GNPNAT1: variants seen among roughly 807,000 people sequenced by gnomAD.
GNPNAT1 encodes the protein glucosamine-phosphate N-acetyltransferase 1, also known as glucosamine 6-phosphate N-acetyltransferase.
A neutral mutation model predicts 19.8 loss-of-function variants in GNPNAT1; 11 were observed. The observed-to-expected ratio is 0.56, with a 90% CI of 0.35 to 0.92. The LOEUF is 0.92. GNPNAT1 is among the 40% of genes least tolerant of loss of function. The probability of loss-of-function intolerance (pLI) is 0.01; values close to 1 mark genes in which losing one functional copy is unlikely to be tolerated. For synonymous variants in GNPNAT1, 71 were observed against 72.3 expected, an observed-to-expected ratio of 0.98 and a Z score of 0.09; for missense variants, 157 against 211.0, an observed-to-expected ratio of 0.74 and a Z score of 1.59.
chr14:52,779,099 A>G (rs1260384325), intron 5 of GNPNAT1, among the ~76,000 whole-genome samples: 9 of 152,220 alleles, frequency 5.9e-5, no homozygotes, highest in Non-Finnish European at 1.2e-4. Context: ...TTATTTTGTA[A>G]AAATTCTTTA....
intron 5 of GNPNAT1, among the ~76,000 whole-genome samples, chr14:52,778,877 T>G (rs1258834838): frequency 6.6e-6 from 1 of 152,034 alleles, no homozygotes; most frequent in Non-Finnish European, 1.5e-5. Flanking sequence ...TAGTAGGGCA[T>G]GATGGCACAT....
intron 3 of GNPNAT1, among the ~76,000 whole-genome samples, chr14:52,782,546 A>G (rs1199577822): frequency 6.6e-6 from 1 of 152,082 alleles, no homozygotes; most frequent in Non-Finnish European, 1.5e-5. Context: ...TTTCAGTACT[A>G]TTGCTGAAAT....
chr14:52,786,735 A>C (rs961617229), intron 1 of GNPNAT1, among the ~76,000 whole-genome samples: 12 of 151,952 alleles, frequency 7.9e-5, no homozygotes, highest in Admixed American at 2.0e-4. Context: ...AAAGCATAAA[A>C]CTGGGGCCAG....
chr14:52,788,126 G>A (rs1222578073), intron 1 of GNPNAT1, among the ~76,000 whole-genome samples: 2 of 151,530 alleles, frequency 1.3e-5, no homozygotes, highest in East Asian at 3.9e-4. Context: ...TTTTTGTTTT[G>A]TTTTATTGTT....
intron 2 of GNPNAT1, 64 bp downstream of exon 2, chr14:52,784,433 C>T (rs1462867819): frequency 7.8e-7 from 1 of 1,280,038 alleles, no homozygotes; most frequent in Non-Finnish European, 1.0e-6. Context: ...AAATTATCTG[C>T]ATCATAATGT....
chr14:52,785,072 C>T (rs944207209), intron 1 of GNPNAT1, among the ~76,000 whole-genome samples: 13 of 151,730 alleles, frequency 8.6e-5, no homozygotes, highest in Non-Finnish European at 2.9e-5. Context: ...ATTATAGGCA[C>T]GTGACACCAC....
In GNPNAT1 at chr14:52,778,258, GA is replaced by G. The variant is rs1882787332; in HGVS notation, c.*52del. 4 of 1,369,890 alleles carry G rather than the reference GA, an allele frequency of 2.9e-6. No individual in the cohort carries two copies. Among genetic ancestry groups the G allele is most frequent in the Non-Finnish European group, 3.9e-6 (4 of 1,014,654 alleles). 84.9% of individuals were successfully genotyped at this position (1,369,890 alleles called of 1,614,324 possible). A position where few individuals can be genotyped will look rare whatever the true frequency, so the allele number is the denominator to read the frequency against. Reference sequence around the variant, plus strand: ...CAGCAACAAAATATTTCAACTCTAGGAAGAGTGTAGCCTTGTAGCATTAGCC... The same window carrying G: ...CAGCAACAAAATATTTCAACTCTAGGAGAGTGTAGCCTTGTAGCATTAGCC... On this transcript the variant is annotated 3_prime_UTR_variant, in exon 6 of 6. Transcript: ENST00000216410.
chr14:52,783,420 T>TA lies in GNPNAT1; in HGVS notation c.217+2dup, dbSNP rs756933470. The TA allele has an allele frequency of 1.9e-5, 30 of 1,587,974 alleles. No homozygotes were observed. Among genetic ancestry groups the TA allele is most frequent in the Non-Finnish European group, 2.1e-5 (24 of 1,157,410 alleles). The stretch of plus-strand genomic sequence containing the variant: ...TTCAGGAAAAAGAGGTTATAGTACT[T>TA]ACTCATAAATTGTTCAGGGCTGACA... On this transcript the variant is annotated splice_region_variant and intron_variant, in intron 3 of 5. Coordinates refer to ENST00000216410, the MANE Select transcript of GNPNAT1 (RefSeq NM_198066.4).
At chr14:52,787,896 AC>A (rs1237668150) in intron 1 of GNPNAT1, 2 of 152,060 alleles carry the variant, frequency 1.3e-5, no homozygotes, top group Non-Finnish European at 2.9e-5. Flanking sequence ...ACAGGCTCTT[AC>A]GTTTATGTTA....
rs75236386 is a variant in GNPNAT1, at chr14:52,777,919, A to G, written c.*392T>C. 3.6e-3 allele frequency: 549 copies of G among 153,654 alleles called. 26 individuals are homozygous for G. The East Asian group carries it at 0.088, about 25-fold the overall frequency. The allele number at this position is 153,654 out of a possible 1,614,324, so 9.5% of individuals were successfully genotyped here. A position where few individuals can be genotyped will look rare whatever the true frequency, so the allele number is the denominator to read the frequency against. On this transcript the variant is annotated 3_prime_UTR_variant, in exon 6 of 6. Coordinates refer to ENST00000216410, the MANE Select transcript of GNPNAT1 (RefSeq NM_198066.4). ...CTTTGAAACAAAAATATTTAATTTTATGCATGTGATAAACAGCCTTATTCA... is the reference window on the plus strand; with the variant it reads ...CTTTGAAACAAAAATATTTAATTTTGTGCATGTGATAAACAGCCTTATTCA...
chr14:52,780,713 T>G lies in GNPNAT1; in HGVS notation c.373A>C (p.Ser125Arg). The G allele has an allele frequency of 6.2e-7, 1 of 1,605,064 alleles. No individual in the cohort carries two copies. The highest frequency in any genetic ancestry group is 1.1e-5 in the South Asian group (1 of 90,588). ...KRGRVEDVVV[S>R]DECRGKQLGK... ...AGCTGCTTTCCTCTGCATTCATCAC[T>G]AACAACAACATCTTCTACTCTTCCT... The change falls in exon 5 of 6, where the codon AGT becomes CGT. Residue 125 changes from serine (S) to arginine (R), a missense_variant. Ser to Arg is a moderately radical substitution (Grantham distance 110). Coordinates refer to ENST00000216410, the MANE Select transcript of GNPNAT1 (RefSeq NM_198066.4).
intron 5 of GNPNAT1, among the ~76,000 whole-genome samples, chr14:52,778,828 G>A (rs943742305): frequency 6.6e-6 from 1 of 152,014 alleles, no homozygotes; most frequent in Non-Finnish European, 1.5e-5. Context: ...ACCAGCCTGG[G>A]AAACACGGCA....
intron 1 of GNPNAT1, among the ~76,000 whole-genome samples, chr14:52,789,986 CAAAAAAA>C (rs200756037): frequency 2.2e-3 from 233 of 107,210 alleles, no homozygotes; most frequent in African/African-American, 3.5e-3. Context: ...TCCAGAAGGA[CAAAAAAA>C]AAAAAAAAAA....
At position 52,775,292 on chromosome 14, in the gene GNPNAT1, A is replaced by G. The variant is rs1396917553; in HGVS notation, c.*3019T>C. On this transcript the variant is annotated 3_prime_UTR_variant, in exon 6 of 6. Transcript: ENST00000216410. ...AAAGGAAAGGGTAGGTCATCCACAG[A>G]ACAGCTTTCAGTCATTACAAAAAAA... 1 of 152,152 alleles carries G rather than the reference A, an allele frequency of 6.6e-6. No homozygotes were observed. Among genetic ancestry groups the G allele is most frequent in the East Asian group, 1.9e-4 (1 of 5,180 alleles). 9.4% of individuals were successfully genotyped at this position (152,152 alleles called of 1,614,324 possible).
chr14:52,784,248 A>C (rs1882959491), intron 2 of GNPNAT1, among the ~76,000 whole-genome samples: 1 of 152,280 alleles, frequency 6.6e-6, no homozygotes, highest in African/African-American at 2.4e-5. Context: ...ATTTTTGTTT[A>C]TGAGAAATCT....
At chr14:52,781,327 TCCTA>T (rs1371320050) in intron 4 of GNPNAT1, among the ~76,000 whole-genome samples, 1 of 152,144 alleles carries the variant, frequency 6.6e-6, no homozygotes, top group East Asian at 1.9e-4. Flanking sequence ...TCCCAAGTGT[TCCTA>T]CCTTATTCTC....
intron 1 of GNPNAT1, among the ~76,000 whole-genome samples, chr14:52,788,733 C>T (rs1405645918): frequency 2.0e-5 from 3 of 152,124 alleles, no homozygotes; most frequent in African/African-American, 2.4e-5. Flanking sequence ...CCACATTTAA[C>T]TAGATTCCTT....
intron 2 of GNPNAT1, among the ~76,000 whole-genome samples, chr14:52,783,953 G>A (rs1015632488): frequency 2.6e-5 from 4 of 152,128 alleles, no homozygotes; most frequent in Admixed American, 1.3e-4. Flanking sequence ...GGAAATTGAT[G>A]TGAACAGTGC....
At chr14:52,783,377 A>G in intron 3 of GNPNAT1, 46 bp downstream of exon 3, 1 of 1,288,668 alleles carries the variant, frequency 7.8e-7, no homozygotes, top group Non-Finnish European at 1.1e-6. Flanking sequence ...ACAAAAATGA[A>G]ATCATGTTTC....
Sources: gnomAD v4.1 joint callset for allele counts (sites outside exome capture counted in the v4.1 genomes callset) on GRCh38, gnomAD v4.1.1 for gene constraint, MANE v1.5 for transcripts, NCBI Gene and HGNC (gene_info 2026-07-23, HGNC 2026-07-21) for gene names.